Variants in WWOX observed in about 807,000 individuals in gnomAD.
WWOX encodes the protein WW domain containing oxidoreductase, also known as WW domain-containing oxidoreductase.
In WWOX, 69 loss-of-function variants were observed where a neutral mutation model predicts 46.2. The ratio of observed to expected loss-of-function variants is 1.49; its 90% CI spans 1.23 to 1.82. The LOEUF (loss-of-function observed/expected upper bound fraction) is 1.82, where lower values mean the gene tolerates loss of function less well. Ranked by LOEUF, WWOX falls within the 40% of genes most tolerant of loss-of-function variation. The pLI, the probability that WWOX is intolerant of heterozygous loss-of-function variation, is 0.00. For synonymous variants in WWOX, 359 were observed against 202.6 expected, an observed-to-expected ratio of 1.77 and a Z score of -6.56; for missense variants, 919 against 542.6, an observed-to-expected ratio of 1.69 and a Z score of -6.89.
intron 5 of WWOX, among the ~76,000 whole-genome samples, chr16:78,191,390 C>T (rs1299446445): frequency 2.0e-5 from 3 of 152,150 alleles, no homozygotes; most frequent in Non-Finnish European, 4.4e-5. Flanking sequence ...GGTAAAAAAA[C>T]ATAAATCTGC....
chr16:79,095,019 CT>C (rs2049040595), intron 8 of WWOX, among the ~76,000 whole-genome samples: 1 of 152,152 alleles, frequency 6.6e-6, no homozygotes, highest in African/African-American at 2.4e-5. Flanking sequence ...TTCTAAGTCC[CT>C]TTGAGGTGAT....
At chr16:78,520,303 AT>A (rs1454072640) in intron 8 of WWOX, among the ~76,000 whole-genome samples, 3 of 152,210 alleles carry the variant, frequency 2.0e-5, no homozygotes, top group Admixed American at 6.5e-5. Flanking sequence ...AATTTTTTAG[AT>A]GTAAAAGTGG....
chr16:78,568,895 A>G (rs1345435180), intron 8 of WWOX, among the ~76,000 whole-genome samples: 3 of 152,236 alleles, frequency 2.0e-5, no homozygotes, highest in Admixed American at 6.5e-5. Flanking sequence ...CAGTAGATGC[A>G]TCTAATAATC....
At chr16:78,582,093 T>C (rs1163827145) in intron 8 of WWOX, among the ~76,000 whole-genome samples, 3 of 152,236 alleles carry the variant, frequency 2.0e-5, no homozygotes, top group African/African-American at 7.2e-5. Context: ...CTTTGGTTTC[T>C]CTGCTCTATA....
chr16:78,559,694 C>T (rs948093829), intron 8 of WWOX, among the ~76,000 whole-genome samples: 1 of 152,112 alleles, frequency 6.6e-6, no homozygotes, highest in Non-Finnish European at 1.5e-5. Flanking sequence ...TTTAATCCTC[C>T]TCCTCAAGGG....
chr16:78,356,163 G>C (rs1204141302), intron 5 of WWOX, among the ~76,000 whole-genome samples: 1 of 146,500 alleles, frequency 6.8e-6, no homozygotes, highest in Non-Finnish European at 1.5e-5. Flanking sequence ...CTCCAGCTTG[G>C]GCGACAGAGC....
chr16:78,818,548 C>G (rs2051405405), intron 8 of WWOX, among the ~76,000 whole-genome samples: 1 of 152,210 alleles, frequency 6.6e-6, no homozygotes, highest in Non-Finnish European at 1.5e-5. Context: ...CTGGCCAACA[C>G]AGCGAGACCC....
intron 6 of WWOX, among the ~76,000 whole-genome samples, chr16:78,404,787 A>C (rs148964423): frequency 5.0e-4 from 76 of 152,320 alleles, no homozygotes; most frequent in African/African-American, 1.7e-3. Context: ...TACTGCACTT[A>C]AAGTTGATTG....
At chr16:79,046,595 A>G (rs755313020) in intron 8 of WWOX, among the ~76,000 whole-genome samples, 1 of 152,136 alleles carries the variant, frequency 6.6e-6, no homozygotes, top group Non-Finnish European at 1.5e-5. Context: ...TGTTTCTCCC[A>G]GTTCCTCCCC....
intron 8 of WWOX, among the ~76,000 whole-genome samples, chr16:78,729,952 C>T (rs138907400): frequency 7.3e-4 from 111 of 152,232 alleles, no homozygotes; most frequent in Non-Finnish European, 1.5e-3. Flanking sequence ...CCAGAGCAAT[C>T]GAAGGTCATA....
chr16:78,954,364 A>T (rs1287628353), intron 8 of WWOX, among the ~76,000 whole-genome samples: 1 of 152,060 alleles, frequency 6.6e-6, no homozygotes, highest in East Asian at 1.9e-4. Flanking sequence ...AATTGGATGG[A>T]TGCATGGATG....
At chr16:79,008,677 C>G (rs2047239575) in intron 8 of WWOX, among the ~76,000 whole-genome samples, 1 of 152,192 alleles carries the variant, frequency 6.6e-6, no homozygotes, top group Non-Finnish European at 1.5e-5. Context: ...ATACTGATGT[C>G]ACTCTCCCTA....
At chr16:78,565,021 G>C (rs78208774) in intron 8 of WWOX, among the ~76,000 whole-genome samples, 4,597 of 152,152 alleles carry the variant, frequency 0.03, 190 homozygotes, top group African/African-American at 0.094. Context: ...CCTAGGAACC[G>C]AGAGAAGAGT....
chr16:78,728,231 AT>A (rs1402423651), intron 8 of WWOX, among the ~76,000 whole-genome samples: 1 of 151,106 alleles, frequency 6.6e-6, no homozygotes, highest in African/African-American at 2.4e-5. Flanking sequence ...CACCTAGTTG[AT>A]TTTTGTATTT....
chr16:78,883,904 G>A (rs1045766086), intron 8 of WWOX, among the ~76,000 whole-genome samples: 3 of 152,052 alleles, frequency 2.0e-5, no homozygotes, highest in Non-Finnish European at 4.4e-5. Flanking sequence ...ACCTCTTTAT[G>A]ATAGTAACAT....
intron 5 of WWOX, among the ~76,000 whole-genome samples, chr16:78,287,967 T>G (rs977724465): frequency 1.6e-4 from 25 of 152,188 alleles, no homozygotes; most frequent in African/African-American, 5.3e-4. Context: ...AAAACAGATT[T>G]TTAGAGTGAA....
At chr16:78,143,785 T>A (rs940586740) in intron 4 of WWOX, among the ~76,000 whole-genome samples, 3 of 150,156 alleles carry the variant, frequency 2.0e-5, no homozygotes, top group African/African-American at 7.4e-5. Context: ...GGTGGTTGTT[T>A]AATGAGGAGG....
chr16:78,270,106 G>A (rs747131315), intron 5 of WWOX: 14 of 151,174 alleles, frequency 9.3e-5, no homozygotes, highest in African/African-American at 1.9e-4. Flanking sequence ...TTTTTTTTAC[G>A]GCACTGAAAA....
At chr16:78,302,017 A>T (rs1281716709) in intron 5 of WWOX, among the ~76,000 whole-genome samples, 1 of 150,368 alleles carries the variant, frequency 6.7e-6, no homozygotes, top group South Asian at 2.1e-4. Context: ...CTGGAGTGCG[A>T]TGGCACAATC....
Sources: gnomAD v4.1 joint callset for allele counts (sites outside exome capture counted in the v4.1 genomes callset) on GRCh38, gnomAD v4.1.1 for gene constraint, MANE v1.5 for transcripts, NCBI Gene and HGNC (gene_info 2026-07-23, HGNC 2026-07-21) for gene names.